Variants in ATOSA observed in about 807,000 individuals in gnomAD.
ATOSA encodes the protein atos homolog A, also known as atos homolog protein A.
At chr15:52,680,020 A>G in the ATOSA span, among the ~76,000 whole-genome samples, 1 of 150,564 alleles carries the variant, frequency 6.6e-6, no homozygotes. Flanking sequence ...GGATTTTAGT[A>G]GGATTCAGAA....
chr15:52,641,493 G>C, the ATOSA span, among the ~76,000 whole-genome samples: 1 of 152,174 alleles, frequency 6.6e-6, no homozygotes, highest in Admixed American at 6.5e-5. Flanking sequence ...TCTAAAAAAG[G>C]GGGTGATGGA....
the ATOSA span, among the ~76,000 whole-genome samples, chr15:52,662,513 G>A: frequency 6.6e-6 from 1 of 152,168 alleles, no homozygotes; most frequent in Non-Finnish European, 1.5e-5. Flanking sequence ...GCTCAAGCCT[G>A]TAATCCCAGC....
At chr15:52,631,565 T>G in the ATOSA span, among the ~76,000 whole-genome samples, 1 of 152,230 alleles carries the variant, frequency 6.6e-6, no homozygotes, top group East Asian at 1.9e-4. Context: ...CACCTACGCC[T>G]ATGTGTTATG....
At chr15:52,620,319 C>G in the ATOSA span, among the ~76,000 whole-genome samples, 549 of 152,290 alleles carry the variant, frequency 3.6e-3, 1 homozygote, top group African/African-American at 0.013. Context: ...TTTTCCAACT[C>G]TGAGAATTTA....
the ATOSA span, among the ~76,000 whole-genome samples, chr15:52,641,664 G>C: frequency 2.0e-5 from 3 of 152,196 alleles, no homozygotes; most frequent in African/African-American, 7.2e-5. Context: ...ATTACTCTCT[G>C]TGCAAATATA....
the ATOSA span, among the ~76,000 whole-genome samples, chr15:52,605,402 T>C: frequency 2.4e-4 from 36 of 152,308 alleles, no homozygotes; most frequent in East Asian, 2.1e-3. Flanking sequence ...TCCAAAATAC[T>C]TGGGGACTAG....
At chr15:52,596,814 A>G in the ATOSA span, among the ~76,000 whole-genome samples, 1 of 152,262 alleles carries the variant, frequency 6.6e-6, no homozygotes. Flanking sequence ...TAAGATTCAT[A>G]AAGAAAATTC....
chr15:52,672,687 C>T, the ATOSA span, among the ~76,000 whole-genome samples: 2 of 152,174 alleles, frequency 1.3e-5, no homozygotes, highest in Non-Finnish European at 1.5e-5. Flanking sequence ...GCTCAGACCC[C>T]ATGGGTTTCT....
the ATOSA span, among the ~76,000 whole-genome samples, chr15:52,604,511 TAACTGAA>T: frequency 2.6e-5 from 4 of 152,234 alleles, no homozygotes; most frequent in African/African-American, 9.7e-5. Flanking sequence ...GCCTCAAGTT[TAACTGAA>T]ATGGTAGCCA....
chr15:52,614,263 G>C, the ATOSA span, among the ~76,000 whole-genome samples: 1 of 151,696 alleles, frequency 6.6e-6, no homozygotes, highest in Non-Finnish European at 1.5e-5. Flanking sequence ...GTGCCACCAC[G>C]CATGGCTATT....
the ATOSA span, among the ~76,000 whole-genome samples, chr15:52,702,779 C>CAAAAAA: frequency 1.1e-5 from 1 of 91,908 alleles, no homozygotes; most frequent in South Asian, 3.6e-4. Flanking sequence ...AAAGTGTTTC[C>CAAAAAA]AAAAAAAAAA....
chr15:52,684,734 A>T, the ATOSA span, among the ~76,000 whole-genome samples: 1 of 151,880 alleles, frequency 6.6e-6, no homozygotes, highest in African/African-American at 2.4e-5. Flanking sequence ...TCTTTTTTTC[A>T]AATTTTTAAA....
At chr15:52,707,434 C>CA in the ATOSA span, among the ~76,000 whole-genome samples, 13 of 152,244 alleles carry the variant, frequency 8.5e-5, no homozygotes, top group African/African-American at 2.9e-4. Flanking sequence ...TGGGGATGCA[C>CA]AGCAGATAAA....
At chr15:52,678,831 G>C in the ATOSA span, 256 of 153,450 alleles carry the variant, frequency 1.7e-3, no homozygotes, top group African/African-American at 5.8e-3. Flanking sequence ...GCCGCACCGA[G>C]CGCCGCGTCT....
chr15:52,620,180 G>A, the ATOSA span, among the ~76,000 whole-genome samples: 4 of 152,202 alleles, frequency 2.6e-5, no homozygotes, highest in African/African-American at 9.6e-5. Context: ...GTGATCCGTA[G>A]ACAAAATAGA....
At chr15:52,652,448 A>G in the ATOSA span, among the ~76,000 whole-genome samples, 3 of 152,200 alleles carry the variant, frequency 2.0e-5, no homozygotes, top group African/African-American at 7.2e-5. Context: ...ATGTATAAAT[A>G]CAAAAATTTA....
At chr15:52,654,054 T>C in the ATOSA span, among the ~76,000 whole-genome samples, 2 of 152,190 alleles carry the variant, frequency 1.3e-5, no homozygotes, top group African/African-American at 4.8e-5. Flanking sequence ...AATTAACCTT[T>C]TCCTATCTCC....
the ATOSA span, among the ~76,000 whole-genome samples, chr15:52,646,858 AG>A: frequency 6.6e-6 from 1 of 152,168 alleles, no homozygotes; most frequent in African/African-American, 2.4e-5. Context: ...CCCCCTAGCA[AG>A]GGGGTTGATA....
chr15:52,706,167 A>G, the ATOSA span, among the ~76,000 whole-genome samples: 1 of 152,338 alleles, frequency 6.6e-6, no homozygotes, highest in East Asian at 1.9e-4. Context: ...AAGGATATTA[A>G]TGTTCTACAT....
Sources: allele counts gnomAD v4.1 joint callset (sites outside exome capture counted in the v4.1 genomes callset), GRCh38; gene constraint gnomAD v4.1.1; transcripts MANE v1.5; gene names NCBI Gene and HGNC (gene_info 2026-07-23, HGNC 2026-07-21).